The following CNR2 variants were observed in gnomAD, a reference collection of about 807,000 sequenced individuals.
The protein encoded by CNR2 is cannabinoid receptor 2 (macrophage).
For synonymous variants in CNR2, 172 were observed against 182.2 expected (o/e 0.94, Z 0.45); for missense variants, 379 against 439.9 (o/e 0.86, Z 1.24).
chr1:23,901,418 T>C (rs1202083775), intron 1 of CNR2: 1 of 1,450,490 alleles, frequency 6.9e-7, no homozygotes, highest in Admixed American at 2.3e-5. Context: ...GCAGTTAGTG[T>C]CCTGATTTCC....
chr1:23,897,568 G>A (rs1397921762), intron 1 of CNR2, among the ~76,000 whole-genome samples: 3 of 151,144 alleles, frequency 2.0e-5, no homozygotes, highest in Admixed American at 6.6e-5. Flanking sequence ...TCTGCCTCCC[G>A]GTTTCAAGCA....
rs1344001167 is a variant in CNR2 at position 23,873,662 on chromosome 1, T to C, written c.*873A>G. 3 of 152,124 alleles carry C rather than the reference T, an allele frequency of 2.0e-5. No individual in the cohort carries two copies. The highest frequency in any genetic ancestry group is 1.5e-5 in the Non-Finnish European group (1 of 68,034). 9.4% of individuals were successfully genotyped at this position (152,124 alleles called of 1,614,324 possible). Reference sequence around the variant, plus strand: ...CACTTGCTCTGCTTATTATATGTAATAGGGGTGTGGAGGAGGCAAGGGAGC... The same window carrying C: ...CACTTGCTCTGCTTATTATATGTAACAGGGGTGTGGAGGAGGCAAGGGAGC... On this transcript the variant is annotated 3_prime_UTR_variant, in exon 2 of 2. Transcript: ENST00000374472.
Position 23,890,754 on chromosome 1 carries a change from A to G in CNR2, c.-45-15092T>C, listed in dbSNP as rs867303192. ...GAGTGAGACTCTGTCTCAAAAAAAA[A>G]AAAAAGAAATAGATCAAAGTGACCC... On this transcript the variant is annotated intron_variant, in intron 1 of 1. Transcript: ENST00000374472. Among the ~76,000 whole-genome samples the G allele has an allele frequency of 4.0e-3, 605 of 151,496 alleles. 6 individuals are homozygous for G. Among genetic ancestry groups the G allele is most frequent in the African/African-American group, 0.014 (574 of 41,372 alleles).
intron 1 of CNR2, among the ~76,000 whole-genome samples, chr1:23,876,734 C>T (rs985636885): frequency 6.0e-5 from 9 of 150,988 alleles, no homozygotes; most frequent in African/African-American, 2.2e-4. Context: ...ACTTGGGATG[C>T]TGAGGCAGGA....
chr1:23,875,131 G>C lies in CNR2; in HGVS notation c.487C>G (p.Leu163Val). ...TLGIMWVLSALVSYLPLMGWT... is the reference protein window; with the variant it reads ...TLGIMWVLSAVVSYLPLMGWT... ...CCCATGAGGGGCAGGTAGGAGACTA[G>C]TGCTGAGAGGACCCACATGATGCCC... is the stretch of plus-strand genomic sequence containing the variant. Residue 163 changes from leucine (L) to valine (V), a missense_variant, in exon 2 of 2, where the codon CTA becomes GTA. By Grantham distance (32) the Leu-to-Val change is conservative (BLOSUM62 1). Transcript: ENST00000374472. 1 of 1,610,986 alleles carries C rather than the reference G, an allele frequency of 6.2e-7. No individual in the cohort carries two copies. The highest frequency in any genetic ancestry group is 8.5e-7 in the Non-Finnish European group (1 of 1,178,320).
At chr1:23,909,784 C>T (rs1194795365) in intron 1 of CNR2, among the ~76,000 whole-genome samples, 1 of 152,114 alleles carries the variant, frequency 6.6e-6, no homozygotes, top group East Asian at 1.9e-4. Flanking sequence ...ACAGTAAAGA[C>T]AACCCTGATC....
chr1:23,894,470 A>T (rs201925983), intron 1 of CNR2, among the ~76,000 whole-genome samples: 10 of 9,324 alleles, frequency 1.1e-3, no homozygotes, highest in African/African-American at 1.4e-3. Flanking sequence ...GGAAGGAAGC[A>T]AGGAAGGAAG....
intron 1 of CNR2, among the ~76,000 whole-genome samples, chr1:23,909,904 T>C (rs896577947): frequency 2.4e-4 from 36 of 152,024 alleles, no homozygotes; most frequent in African/African-American, 8.4e-4. Flanking sequence ...CAGATTGACC[T>C]GGACTTGAGT....
rs973933948 is a variant in CNR2 at position 23,871,523 on chromosome 1, A to G, written c.*3012T>C. The G allele has an allele frequency of 6.6e-6, 1 of 152,348 alleles. No homozygotes were observed. The highest frequency in any genetic ancestry group is 6.5e-5 in the Admixed American group (1 of 15,306). The allele number at this position is 152,348 out of a possible 1,614,324, so 9.4% of individuals were successfully genotyped here. A position where few individuals can be genotyped will look rare whatever the true frequency, so the allele number is the denominator to read the frequency against. On this transcript the variant is annotated 3_prime_UTR_variant, in exon 2 of 2. Coordinates refer to ENST00000374472, the MANE Select transcript of CNR2 (RefSeq NM_001841.3). ...AGCTTTTCAGAAACAGTTCAGTTCC[A>G]CACATATTGACCAGATCCCTTCAGA...
chr1:23,890,258 C>CA (rs35692845), intron 1 of CNR2, among the ~76,000 whole-genome samples: 10,822 of 74,758 alleles, frequency 0.14, 1,187 homozygotes, highest in Admixed American at 0.19. Context: ...GACCTTGTCT[C>CA]AAAAAAAAAA....
chr1:23,902,368 C>T, intron 1 of CNR2: 1 of 1,584,830 alleles, frequency 6.3e-7, no homozygotes, highest in Admixed American at 1.7e-5. Flanking sequence ...GACAGCAGGA[C>T]GCAGGCGTTC....
At chr1:23,901,972 G>A (rs1188885885) in intron 1 of CNR2, 6 of 1,604,828 alleles carry the variant, frequency 3.7e-6, no homozygotes, top group Non-Finnish European at 5.1e-6. Flanking sequence ...GGCGGGGCTT[G>A]TTGGTGGCCG....
rs764336476 is a variant in CNR2 at position 23,874,870 on chromosome 1, C to G, written c.748G>C (p.Val250Leu). The G allele has an allele frequency of 6.2e-7, 1 of 1,614,172 alleles. No homozygotes were observed. Among genetic ancestry groups the G allele is most frequent in the South Asian group, 1.1e-5 (1 of 91,090 alleles). ...DVRLAKTLGL[V>L]LAVLLICWFP... ...CAACAGATGAGGAGCACAGCCAACA[C>G]TAGCCCTAGGGTCTTGGCCAACCTC... The change falls in exon 2 of 2, where the codon GTG becomes CTG. Residue 250 changes from valine (V) to leucine (L), a missense_variant. Val to Leu is a conservative substitution (Grantham distance 32). Transcript: ENST00000374472.
intron 1 of CNR2, among the ~76,000 whole-genome samples, chr1:23,884,894 G>A (rs1640060994): frequency 1.3e-5 from 2 of 151,866 alleles, no homozygotes; most frequent in Admixed American, 6.6e-5. Flanking sequence ...TCCACCTTCC[G>A]AGTTCAAGCG....
intron 1 of CNR2, among the ~76,000 whole-genome samples, chr1:23,910,122 A>ATTTTT (rs34885370): frequency 8.3e-5 from 10 of 120,296 alleles, no homozygotes; most frequent in Non-Finnish European, 1.3e-4. Flanking sequence ...CTAATTTTTA[A>ATTTTT]TTTTTTTTTT....
chr1:23,897,067 G>T (rs924258444), intron 1 of CNR2, among the ~76,000 whole-genome samples: 1 of 151,794 alleles, frequency 6.6e-6, no homozygotes, highest in East Asian at 1.9e-4. Context: ...TAGAGATGGG[G>T]TTTCACTATT....
At chr1:23,908,119 T>C (rs1640526903) in intron 1 of CNR2, among the ~76,000 whole-genome samples, 1 of 151,252 alleles carries the variant, frequency 6.6e-6, no homozygotes, top group African/African-American at 2.4e-5. Flanking sequence ...TAGCTGGGAT[T>C]ACAGGCACAT....
intron 1 of CNR2, among the ~76,000 whole-genome samples, chr1:23,878,028 T>C (rs538485309): frequency 2.6e-5 from 4 of 151,164 alleles, no homozygotes; most frequent in Non-Finnish European, 4.4e-5. Context: ...GATAAAGTGA[T>C]GGAAAACAAG....
chr1:23,887,097 G>C (rs1443760964), intron 1 of CNR2, among the ~76,000 whole-genome samples: 2 of 152,120 alleles, frequency 1.3e-5, no homozygotes, highest in Admixed American at 1.3e-4. Context: ...ATTGAGACAG[G>C]GTTTTGCCAT....
Sources: allele counts gnomAD v4.1 joint callset (sites outside exome capture counted in the v4.1 genomes callset), GRCh38; gene constraint gnomAD v4.1.1; transcripts MANE v1.5; gene names NCBI Gene and HGNC (gene_info 2026-07-23, HGNC 2026-07-21).